PNPLA4: variants seen among roughly 807,000 people sequenced by gnomAD.
PNPLA4 encodes the protein patatin-like phospholipase domain-containing protein 4.
A neutral mutation model predicts 18.3 loss-of-function variants in PNPLA4; 15 were observed. That is an observed-to-expected ratio of 0.82 (90% CI 0.55 to 1.26). The LOEUF is 1.26. Among genes scored for constraint, PNPLA4 ranks in the 50% most tolerant of loss-of-function variants. The probability of loss-of-function intolerance (pLI) is 0.00; values close to 1 mark genes in which losing one functional copy is unlikely to be tolerated. For missense variants in PNPLA4, 229 were observed against 196.8 expected (o/e 1.16, Z -0.98); for synonymous variants, 88 against 85.6 (o/e 1.03, Z -0.16).
chrX:7,926,494 G>A (rs942017006), intron 1 of PNPLA4, among the ~76,000 whole-genome samples: 2 of 111,698 alleles, frequency 1.8e-5, no homozygotes, highest in East Asian at 2.8e-4. Context: ...TGCGGGTGGG[G>A]GCGGCACTAC....
chrX:7,910,893 T>C (rs1569105006), intron 5 of PNPLA4, among the ~76,000 whole-genome samples: 1 of 110,556 alleles, frequency 9.0e-6, no homozygotes, highest in Non-Finnish European at 1.9e-5. Context: ...TTATAAAATA[T>C]ATATCTCTGG....
chrX:7,908,621 G>A (rs749433151), intron 5 of PNPLA4, among the ~76,000 whole-genome samples: 1 of 112,139 alleles, frequency 8.9e-6, no homozygotes, highest in East Asian at 2.8e-4. Flanking sequence ...CCTTTCTGGT[G>A]TTATAAACAA....
intron 2 of PNPLA4, 101 bp from the exon 3 acceptor site, chrX:7,922,199 G>A (rs1924250686): frequency 1.7e-6 from 1 of 600,997 alleles, no homozygotes; most frequent in Non-Finnish European, 2.7e-6. Context: ...CAAATGTAGG[G>A]TGTCATGTTA....
Position 7,912,050 on chromosome X carries a change from T to C in PNPLA4, c.455A>G (p.Lys152Arg). 1 of 1,205,211 alleles carries C rather than the reference T, an allele frequency of 8.3e-7. No homozygotes were observed. ...TACCTGCCCTTTGTATTCCACTAGC[T>C]TCAGTCCTGCATAAATGGGCACAAA... ...SSFVPIYAGL[K>R]LVEYKGQKWV... Residue 152 changes from lysine (K) to arginine (R), a missense_variant, in exon 5 of 7, where the codon AAG becomes AGG. Transcript: ENST00000381042.
At position 7,912,073 on chromosome X, in the gene PNPLA4, A is replaced by G. The variant is rs762764416; in HGVS notation, c.432T>C (p.Phe144=). 12 of 1,203,855 alleles carry G rather than the reference A, an allele frequency of 1.0e-5. No homozygotes were observed. Among genetic ancestry groups the G allele is most frequent in the Non-Finnish European group, 1.3e-5 (12 of 890,246 alleles). The change falls in exon 5 of 7, where the codon TTT becomes TTC. Residue 144 remains phenylalanine, a synonymous_variant. Transcript: ENST00000381042. The stretch of plus-strand genomic sequence containing the variant: ...GCTTCAGTCCTGCATAAATGGGCAC[A>G]AAACTGCTGGCTAGGAGGACCTAGA... ...DLIKVLLASS[F]VPIYAGLKLV...
intron 4 of PNPLA4, among the ~76,000 whole-genome samples, chrX:7,920,217 C>T (rs1601650501): frequency 1.9e-5 from 2 of 105,564 alleles, no homozygotes; most frequent in South Asian, 4.7e-4. Context: ...AGATCTGGGG[C>T]AGAATCCCCC....
At chrX:7,926,235 TTC>T (rs1443903914) in intron 1 of PNPLA4, 103 bp from the exon 2 acceptor site, 3 of 549,539 alleles carry the variant, frequency 5.5e-6, no homozygotes, top group African/African-American at 2.3e-5. Context: ...TCTAACATCA[TTC>T]TCTGTTTTAA....
At chrX:7,916,448 T>C (rs1569106284) in intron 4 of PNPLA4, among the ~76,000 whole-genome samples, 1 of 111,289 alleles carries the variant, frequency 9.0e-6, no homozygotes, top group Non-Finnish European at 1.9e-5. Context: ...TGCTAAATAA[T>C]GAACAGTATG....
chrX:7,910,417 G>A (rs1923837060), intron 5 of PNPLA4, among the ~76,000 whole-genome samples: 1 of 109,806 alleles, frequency 9.1e-6, no homozygotes, highest in African/African-American at 3.3e-5. Flanking sequence ...AAGGTGAGTG[G>A]GTGAATGAAT....
chrX:7,926,112 T>A lies in PNPLA4; in HGVS notation c.8A>T (p.His3Leu), dbSNP rs1285403384. ...ACACGCTGCAAATGATAGGTTGATG[T>A]GCTTCATTCTAGCTGTAGCACTGGC... Reference protein sequence around the residue: MKHINLSFAACGF... With the variant: MKLINLSFAACGF... The change falls in exon 2 of 7, where the codon CAC (histidine) becomes CTC (leucine). Residue 3 changes from histidine (H) to leucine (L), a missense_variant. Transcript: ENST00000381042. 12 of 1,205,254 alleles carry A rather than the reference T, an allele frequency of 1.0e-5. No individual in the cohort carries two copies. The East Asian group carries it at 3.3e-4, about 33-fold the overall frequency.
At chrX:7,912,184 A>C in intron 4 of PNPLA4, 91 bp from the exon 5 acceptor site, 1 of 613,051 alleles carries the variant, frequency 1.6e-6, no homozygotes, top group Non-Finnish European at 2.7e-6. Context: ...CAAAATCTCA[A>C]TAAATAAGCC....
chrX:7,923,485 C>T (rs1341178380), intron 2 of PNPLA4, among the ~76,000 whole-genome samples: 1 of 111,645 alleles, frequency 9.0e-6, no homozygotes. Context: ...GACTTAAGAC[C>T]GCCAGAGCTG....
At chrX:7,916,371 C>T (rs1485099267) in intron 4 of PNPLA4, among the ~76,000 whole-genome samples, 1 of 111,136 alleles carries the variant, frequency 9.0e-6, no homozygotes, top group African/African-American at 3.3e-5. Context: ...ATGCAAAATG[C>T]ACACACTTGA....
intron 4 of PNPLA4, among the ~76,000 whole-genome samples, chrX:7,912,342 C>T (rs1923903102): frequency 8.9e-6 from 1 of 112,401 alleles, no homozygotes; most frequent in Non-Finnish European, 1.9e-5. Flanking sequence ...ATAGTAGACA[C>T]ACAAGTTACT....
chrX:7,906,155 G>C (rs1392389809), intron 5 of PNPLA4, among the ~76,000 whole-genome samples: 1 of 111,978 alleles, frequency 8.9e-6, no homozygotes, highest in Non-Finnish European at 1.9e-5. Context: ...TTGCTTTCAT[G>C]AGATAGCCTA....
chrX:7,925,655 C>T (rs1476689334), intron 2 of PNPLA4, among the ~76,000 whole-genome samples: 1 of 111,805 alleles, frequency 8.9e-6, no homozygotes, highest in Non-Finnish European at 1.9e-5. Context: ...GAAGAAATAT[C>T]CTTTGCTTGA....
chrX:7,901,036 T>G (rs1420400906), intron 6 of PNPLA4, among the ~76,000 whole-genome samples: 4 of 111,585 alleles, frequency 3.6e-5, no homozygotes, highest in Non-Finnish European at 7.5e-5. Flanking sequence ...GTCTTAACTG[T>G]GGGACAGTCA....
intron 5 of PNPLA4, among the ~76,000 whole-genome samples, chrX:7,904,604 C>T (rs1308627591): frequency 2.7e-5 from 3 of 112,233 alleles, no homozygotes; most frequent in South Asian, 3.7e-4. Flanking sequence ...TGGAAACAAC[C>T]GTCACAACAA....
At chrX:7,922,449 C>G (rs1343865223) in intron 2 of PNPLA4, among the ~76,000 whole-genome samples, 1 of 112,680 alleles carries the variant, frequency 8.9e-6, no homozygotes, top group Non-Finnish European at 1.9e-5. Flanking sequence ...ATTTTGTGGT[C>G]TCAGCAGCAG....
Sources: gnomAD v4.1 joint callset for allele counts (sites outside exome capture counted in the v4.1 genomes callset) on GRCh38, gnomAD v4.1.1 for gene constraint, MANE v1.5 for transcripts, NCBI Gene and HGNC (gene_info 2026-07-23, HGNC 2026-07-21) for gene names.